Variants in EFHC2 observed in about 807,000 individuals in gnomAD.
EFHC2 encodes the protein EF-hand domain containing 2.
EFHC2 carries 18 observed loss-of-function variants against 52.7 expected under a neutral mutation model. The ratio of observed to expected loss-of-function variants is 0.34; its 90% CI spans 0.24 to 0.51. EFHC2 has a LOEUF of 0.51. Among genes scored for constraint, EFHC2 ranks in the 20% least tolerant of loss-of-function variants. EFHC2 has a pLI of 0.97. For missense variants in EFHC2, 513 were observed against 562.5 expected (o/e 0.91, Z 0.89); for synonymous variants, 203 against 204.1 (o/e 0.99, Z 0.04).
At chrX:44,337,594 A>G (rs921330552) in intron 1 of EFHC2, among the ~76,000 whole-genome samples, 1 of 112,184 alleles carries the variant, frequency 8.9e-6, no homozygotes, top group African/African-American at 3.2e-5. Context: ...AAAGACAATT[A>G]TTATTGGATT....
intron 11 of EFHC2, among the ~76,000 whole-genome samples, chrX:44,217,839 A>C (rs2037163454): frequency 8.9e-6 from 1 of 112,205 alleles, no homozygotes; most frequent in African/African-American, 3.2e-5. Context: ...AAAATAACTT[A>C]GAGTGTCATT....
intron 2 of EFHC2, among the ~76,000 whole-genome samples, chrX:44,282,278 A>C (rs1372383424): frequency 9.3e-6 from 1 of 107,477 alleles, no homozygotes; most frequent in East Asian, 3.0e-4. Context: ...TAAGAAAAAT[A>C]CTGAGGCTAT....
chrX:44,160,691 G>A (rs2036645730), intron 14 of EFHC2, among the ~76,000 whole-genome samples: 1 of 112,036 alleles, frequency 8.9e-6, no homozygotes, highest in Admixed American at 9.5e-5. Flanking sequence ...GGAGGCCGAG[G>A]CAGGCGGATC....
chrX:44,298,495 T>G (rs917730128), intron 2 of EFHC2, among the ~76,000 whole-genome samples: 1 of 111,515 alleles, frequency 9.0e-6, no homozygotes, highest in Non-Finnish European at 1.9e-5. Flanking sequence ...AACAGAGACG[T>G]CTAGACGGTG....
intron 7 of EFHC2, among the ~76,000 whole-genome samples, chrX:44,245,586 G>A (rs1169382054): frequency 8.9e-6 from 1 of 112,082 alleles, no homozygotes; most frequent in African/African-American, 3.2e-5. Flanking sequence ...CCAGCAGGAT[G>A]GCCAAACTGT....
In EFHC2 at chrX:44,232,560, A is replaced by C; in HGVS notation, c.1541T>G (p.Val514Gly). 8.4e-7 allele frequency: 1 copy of C among 1,190,404 alleles called. No individual in the cohort carries two copies. Among genetic ancestry groups the C allele is most frequent in the Non-Finnish European group, 1.1e-6 (1 of 884,135 alleles). Reference sequence around the variant, plus strand: ...ACGAAATAGGTAACCATTCACATTCACCGTGACTCCAATGTACAGCTCCTC... The same window carrying C: ...ACGAAATAGGTAACCATTCACATTCCCCGTGACTCCAATGTACAGCTCCTC... ...KAEELYIGVT[V>G]NVNGYLFRLL... The change falls in exon 10 of 15, where the codon GTG (valine) becomes GGG (glycine). Residue 514 changes from valine to glycine, a missense_variant. Val to Gly is a moderately radical substitution (Grantham distance 109). Coordinates refer to ENST00000420999, the MANE Select transcript of EFHC2 (RefSeq NM_025184.4).
At chrX:44,191,158 C>A (rs767620879) in intron 11 of EFHC2, among the ~76,000 whole-genome samples, 2 of 111,813 alleles carry the variant, frequency 1.8e-5, no homozygotes, top group South Asian at 3.7e-4. Flanking sequence ...AACATTTATT[C>A]CCTGATTTAA....
intron 14 of EFHC2, among the ~76,000 whole-genome samples, chrX:44,163,585 C>T (rs1001870098): frequency 3.1e-4 from 35 of 112,048 alleles, no homozygotes; most frequent in African/African-American, 1.1e-3. Flanking sequence ...TTGAGATTTG[C>T]TCTTGTGGCT....
intron 7 of EFHC2, among the ~76,000 whole-genome samples, chrX:44,247,596 T>C (rs1014379523): frequency 9.0e-6 from 1 of 111,067 alleles, no homozygotes; most frequent in African/African-American, 3.3e-5. Flanking sequence ...ATGCTTTAGG[T>C]TTCACGTCAC....
chrX:44,155,556 C>T (rs1280409902), intron 14 of EFHC2, among the ~76,000 whole-genome samples: 3 of 112,391 alleles, frequency 2.7e-5, no homozygotes, highest in African/African-American at 9.7e-5. Context: ...AAATTCCATG[C>T]TTCACTGAAA....
intron 11 of EFHC2, among the ~76,000 whole-genome samples, chrX:44,223,128 C>G (rs574386138): frequency 5.3e-5 from 6 of 112,214 alleles, no homozygotes; most frequent in South Asian, 3.7e-4. Flanking sequence ...CCCAGACTTC[C>G]TTGCAGTTAG....
At chrX:44,327,741 A>G (rs941316379) in intron 1 of EFHC2, among the ~76,000 whole-genome samples, 1 of 111,823 alleles carries the variant, frequency 8.9e-6, no homozygotes, top group Non-Finnish European at 1.9e-5. Context: ...GAAAGCCATC[A>G]TTACTTATTA....
At chrX:44,320,251 A>G (rs1346683411) in intron 1 of EFHC2, among the ~76,000 whole-genome samples, 1 of 112,127 alleles carries the variant, frequency 8.9e-6, no homozygotes, top group Non-Finnish European at 1.9e-5. Context: ...CTTGGAGTAG[A>G]TAAGTTTAAA....
chrX:44,300,405 C>T (rs2037859913), intron 2 of EFHC2, among the ~76,000 whole-genome samples: 1 of 111,462 alleles, frequency 9.0e-6, no homozygotes, highest in Admixed American at 9.6e-5. Flanking sequence ...CTTGGACTTC[C>T]AGCCTCCAGA....
In EFHC2 at chrX:44,242,323, A is replaced by T. The variant is rs2037366478; in HGVS notation, c.1112-34T>A. On this transcript the variant is annotated intron_variant, in intron 7 of 14. Transcript: ENST00000420999. ...AAACAAAGGCAAACAAAACATCAATATTTTTTTTGCCCTGATTATGGCTGT... is the reference window on the plus strand; with the variant it reads ...AAACAAAGGCAAACAAAACATCAATTTTTTTTTTGCCCTGATTATGGCTGT... 8 of 1,176,325 alleles carry T rather than the reference A, an allele frequency of 6.8e-6. No homozygotes were observed. In the South Asian group the frequency reaches 1.4e-4, roughly 20 times the overall value.
chrX:44,189,122 CAA>C (rs35770665), intron 11 of EFHC2, among the ~76,000 whole-genome samples: 3 of 46,367 alleles, frequency 6.5e-5, no homozygotes, highest in African/African-American at 1.6e-4. Context: ...GACTCTATCT[CAA>C]AAAAAAAAAA....
chrX:44,169,411 G>T lies in EFHC2; in HGVS notation c.2043-5384C>A, dbSNP rs761916118. Reference sequence around the variant, plus strand: ...CAGCTTCAGCCTACTGGGTAACTGCGACTACAGGTGCGTACCACCATGCCT... The same window carrying T: ...CAGCTTCAGCCTACTGGGTAACTGCTACTACAGGTGCGTACCACCATGCCT... On this transcript the variant is annotated intron_variant, in intron 13 of 14. Transcript: ENST00000420999. Among the ~76,000 whole-genome samples the T allele has an allele frequency of 5.4e-5, 6 of 110,690 alleles. No homozygotes were observed. In the Admixed American group the frequency reaches 5.8e-4, roughly 11 times the overall value.
rs779091806 is a variant in EFHC2 at position 44,276,186 on chromosome X, AT to A, written c.232-3351del. 2.3e-3 allele frequency among the ~76,000 whole-genome samples: 252 copies of A among 111,322 alleles called. 1 individual carries two copies. The highest frequency in any genetic ancestry group is 0.014 in the Middle Eastern group (3 of 213). Reference sequence around the variant, plus strand: ...TAATCCCAACACGTTAGGAGGCTACATCAGGAGGATTGAAACACTTTAGGCC... The same window carrying A: ...TAATCCCAACACGTTAGGAGGCTACACAGGAGGATTGAAACACTTTAGGCC... On this transcript the variant is annotated intron_variant, in intron 2 of 14. Coordinates refer to ENST00000420999, the MANE Select transcript of EFHC2 (RefSeq NM_025184.4).
chrX:44,241,338 T>C (rs778784708), intron 8 of EFHC2, among the ~76,000 whole-genome samples: 1 of 112,295 alleles, frequency 8.9e-6, no homozygotes, highest in Non-Finnish European at 1.9e-5. Context: ...TCCATGTCTA[T>C]TAGGAATACT....
Sources: gnomAD v4.1 joint callset for allele counts (sites outside exome capture counted in the v4.1 genomes callset) on GRCh38, gnomAD v4.1.1 for gene constraint, MANE v1.5 for transcripts, NCBI Gene and HGNC (gene_info 2026-07-23, HGNC 2026-07-21) for gene names.